SPPL3: variants seen among roughly 807,000 people sequenced by gnomAD.
The protein encoded by SPPL3 is signal peptide peptidase like 3.
SPPL3 carries 5 observed loss-of-function variants against 42.4 expected under a neutral mutation model. That is an observed-to-expected ratio of 0.12 (90% CI 0.06 to 0.25). The LOEUF (loss-of-function observed/expected upper bound fraction) is 0.25. Ranked by LOEUF, SPPL3 falls within the 10% of genes least tolerant of loss-of-function variation. The pLI is 1.00. For synonymous variants in SPPL3, 195 were observed against 181.8 expected (o/e 1.07, Z -0.58); for missense variants, 235 against 489.0 (o/e 0.48, Z 4.90).
rs77554393 is a variant in SPPL3 at position 120,779,291 on chromosome 12, C to A, written c.502+3364G>T. On this transcript the variant is annotated intron_variant, in intron 6 of 10. Coordinates refer to ENST00000353487, the MANE Select transcript of SPPL3 (RefSeq NM_139015.5). Reference sequence around the variant, plus strand: ...AGACAATGATGAACATCAACCCCAACACCTCTGAGCCAGCCCCAGAGCTGC... The same window carrying A: ...AGACAATGATGAACATCAACCCCAAAACCTCTGAGCCAGCCCCAGAGCTGC... 1.6e-4 allele frequency among the ~76,000 whole-genome samples: 24 copies of A among 152,320 alleles called. No homozygotes were observed. The East Asian group carries it at 4.6e-3, about 29-fold the overall frequency.
intron 3 of SPPL3, among the ~76,000 whole-genome samples, chr12:120,789,359 C>T (rs1745043868): frequency 6.8e-6 from 1 of 147,024 alleles, no homozygotes; most frequent in Non-Finnish European, 1.5e-5. Flanking sequence ...GAGGCAGAGG[C>T]AGGAGAATCA....
chr12:120,802,206 CAT>C (rs1030767961), intron 2 of SPPL3, among the ~76,000 whole-genome samples: 1 of 151,866 alleles, frequency 6.6e-6, no homozygotes, highest in African/African-American at 2.4e-5. Context: ...CAAGGGGAAA[CAT>C]GGGCTTATAT....
intron 3 of SPPL3, among the ~76,000 whole-genome samples, chr12:120,785,689 G>A (rs1869697164): frequency 6.6e-6 from 1 of 151,686 alleles, no homozygotes; most frequent in African/African-American, 2.4e-5. Context: ...AGAAGAAAAA[G>A]GCTGGGTGTG....
intron 1 of SPPL3, among the ~76,000 whole-genome samples, chr12:120,841,252 G>A (rs1871820672): frequency 6.6e-6 from 1 of 151,974 alleles, no homozygotes; most frequent in South Asian, 2.1e-4. Flanking sequence ...TTGAACCCGG[G>A]AGGCGGAGGC....
chr12:120,810,823 G>A lies in SPPL3; in HGVS notation c.87C>T (p.Val29=), dbSNP rs779948830. The A allele has an allele frequency of 6.2e-7, 1 of 1,610,614 alleles. No individual in the cohort carries two copies. Among genetic ancestry groups the A allele is most frequent in the Non-Finnish European group, 8.5e-7 (1 of 1,177,146 alleles). Residue 29 remains valine, a synonymous_variant, in exon 2 of 11, where the codon GTC becomes GTT. Coordinates refer to ENST00000353487, the MANE Select transcript of SPPL3 (RefSeq NM_139015.5). ...STFLISILLI[V]YGSFRSLNMD... is the part of the protein sequence containing the mutation. ...GAATATCTTACCTGAAACTACCATA[G>A]ACTATAAGAAGAATGGAAATCAGAA...
chr12:120,853,976 GCACA>G (rs1246999754), intron 1 of SPPL3, among the ~76,000 whole-genome samples: 1 of 64,146 alleles, frequency 1.6e-5, no homozygotes, highest in African/African-American at 6.9e-5. Context: ...CCACACACAC[GCACA>G]CATACACACA....
In SPPL3 at chr12:120,768,690, CG is replaced by C. The variant is rs1868996089; in HGVS notation, c.610-203del. 1.0e-5 allele frequency: 7 copies of C among 697,650 alleles called. No homozygotes were observed. The South Asian group carries it at 1.4e-4, about 14-fold the overall frequency. 43.2% of individuals were successfully genotyped at this position (697,650 alleles called of 1,614,324 possible). A position where few individuals can be genotyped will look rare whatever the true frequency, so the allele number is the denominator to read the frequency against. On this transcript the variant is annotated intron_variant, in intron 7 of 10. Coordinates refer to ENST00000353487, the MANE Select transcript of SPPL3 (RefSeq NM_139015.5). ...TCCACACCCAGAGATTACTCCCTGACGGGGTGGCCCCCACTGCAGCGAATCT... is the reference window on the plus strand; with the variant it reads ...TCCACACCCAGAGATTACTCCCTGACGGGTGGCCCCCACTGCAGCGAATCT...
chr12:120,877,362 T>C (rs996627206), intron 1 of SPPL3, among the ~76,000 whole-genome samples: 2 of 139,838 alleles, frequency 1.4e-5, no homozygotes, highest in Non-Finnish European at 3.3e-5. Flanking sequence ...ACTCATTCTA[T>C]AAGGCCAGCA....
intron 1 of SPPL3, among the ~76,000 whole-genome samples, chr12:120,811,944 G>C (rs1197194043): frequency 1.3e-5 from 2 of 152,114 alleles, no homozygotes; most frequent in Non-Finnish European, 2.9e-5. Flanking sequence ...ATATTAGGTA[G>C]ATGCAGTCTA....
At chr12:120,835,666 T>A (rs1871594257) in intron 1 of SPPL3, 1 of 152,222 alleles carries the variant, frequency 6.6e-6, no homozygotes, top group Non-Finnish European at 1.5e-5. Flanking sequence ...TATGCCTTCA[T>A]GTAAAAAGCT....
chr12:120,859,878 G>C (rs1872576474), intron 1 of SPPL3, among the ~76,000 whole-genome samples: 1 of 152,116 alleles, frequency 6.6e-6, no homozygotes, highest in South Asian at 2.1e-4. Flanking sequence ...GGGAGGCAGA[G>C]GTTGCAGTGA....
chr12:120,791,395 T>C (rs1023948626), intron 3 of SPPL3, 74 bp downstream of exon 3: 2 of 1,000,138 alleles, frequency 2.0e-6, no homozygotes, highest in Non-Finnish European at 1.5e-6. Flanking sequence ...CAGTAAATTA[T>C]TAACTGGAGG....
intron 1 of SPPL3, among the ~76,000 whole-genome samples, chr12:120,862,994 G>C (rs1872654793): frequency 6.6e-6 from 1 of 152,016 alleles, no homozygotes; most frequent in African/African-American, 2.4e-5. Context: ...GAAATTCTAA[G>C]GGCTTTATTA....
chr12:120,797,688 T>A (rs1870149812), intron 2 of SPPL3, among the ~76,000 whole-genome samples: 3 of 152,162 alleles, frequency 2.0e-5, no homozygotes, highest in Admixed American at 1.3e-4. Flanking sequence ...ACCAAAACAT[T>A]GATGAATTGT....
intron 1 of SPPL3, among the ~76,000 whole-genome samples, chr12:120,823,237 G>A (rs1210270911): frequency 2.7e-5 from 4 of 149,176 alleles, no homozygotes; most frequent in Admixed American, 2.0e-4. Context: ...GGGCGGCGGC[G>A]GTGGCGGGGA....
chr12:120,835,257 T>G (rs763900463), intron 1 of SPPL3, among the ~76,000 whole-genome samples: 3 of 152,232 alleles, frequency 2.0e-5, no homozygotes, highest in Non-Finnish European at 2.9e-5. Context: ...AAATAACATA[T>G]AATTCTAAAC....
chr12:120,859,818 C>T (rs1244264834), intron 1 of SPPL3, among the ~76,000 whole-genome samples: 1 of 152,156 alleles, frequency 6.6e-6, no homozygotes, highest in Non-Finnish European at 1.5e-5. Flanking sequence ...TGGTGCGCAC[C>T]TGTACTCCCA....
chr12:120,807,122 A>G (rs1249455102), intron 2 of SPPL3, among the ~76,000 whole-genome samples: 1 of 152,166 alleles, frequency 6.6e-6, no homozygotes, highest in African/African-American at 2.4e-5. Context: ...CATTTCACCA[A>G]AGAAGATAAA....
intron 3 of SPPL3, among the ~76,000 whole-genome samples, chr12:120,789,948 T>C (rs1396164151): frequency 1.3e-5 from 2 of 151,392 alleles, no homozygotes; most frequent in African/African-American, 4.9e-5. Flanking sequence ...CATAATAATA[T>C]AGGTAGATTT....
Sources: allele counts gnomAD v4.1 joint callset (sites outside exome capture counted in the v4.1 genomes callset), GRCh38; gene constraint gnomAD v4.1.1; transcripts MANE v1.5; gene names NCBI Gene and HGNC (gene_info 2026-07-23, HGNC 2026-07-21).